The following DLGAP2 variants were observed in gnomAD, a reference collection of about 807,000 sequenced individuals.
DLGAP2 encodes DLG associated protein 2, also known as disks large-associated protein 2.
Under a neutral mutation model 100.3 loss-of-function variants are expected in DLGAP2, and 26 were observed. That is an observed-to-expected ratio of 0.26 (90% CI 0.19 to 0.36). DLGAP2 has a LOEUF of 0.36. Among genes scored for constraint, DLGAP2 ranks in the 10% least tolerant of loss-of-function variants. The probability of loss-of-function intolerance (pLI) is 1.00; values close to 1 mark genes in which losing one functional copy is unlikely to be tolerated. For missense variants in DLGAP2, 1,858 were observed against 1,453.2 expected (o/e 1.28, Z -4.53); for synonymous variants, 886 against 630.1 (o/e 1.41, Z -6.08).
intron 2 of DLGAP2, among the ~76,000 whole-genome samples, chr8:1,144,859 T>C (rs1046238901): frequency 5.3e-5 from 8 of 151,846 alleles, no homozygotes; most frequent in African/African-American, 1.9e-4. Flanking sequence ...GCAGACGGCC[T>C]GTATGAACAG....
Position 1,197,493 on chromosome 8 carries a change from G to A in DLGAP2, c.74-61358G>A, listed in dbSNP as rs1324789396. On this transcript the variant is annotated intron_variant, in intron 2 of 14. Coordinates refer to ENST00000637795, the MANE Select transcript of DLGAP2 (RefSeq NM_001346810.2). ...CACTGTTTATGTTCCATAAAGCTAAGCCACATGGATGCGGAGCAGCTGGGC... is the reference window on the plus strand; with the variant it reads ...CACTGTTTATGTTCCATAAAGCTAAACCACATGGATGCGGAGCAGCTGGGC... 2.0e-5 allele frequency among the ~76,000 whole-genome samples: 3 copies of A among 152,232 alleles called. No individual in the cohort carries two copies. The East Asian group carries it at 5.8e-4, about 29-fold the overall frequency.
At chr8:1,288,678 A>AGCGT (rs1347520454) in intron 3 of DLGAP2, among the ~76,000 whole-genome samples, 1,770 of 118,470 alleles carry the variant, frequency 0.015, 15 homozygotes, top group Middle Eastern at 0.056. Flanking sequence ...GTTTCGGTTC[A>AGCGT]GTGTGTGTGT....
rs371398046 is a variant in DLGAP2, at chr8:1,329,912, C to A, written c.106+71029C>A. Among the ~76,000 whole-genome samples the A allele has an allele frequency of 1.7e-3, 252 of 152,354 alleles. 3 individuals are homozygous for A. Among genetic ancestry groups the A allele is most frequent in the South Asian group, 0.012 (59 of 4,820 alleles). On this transcript the variant is annotated intron_variant, in intron 3 of 14. Transcript: ENST00000637795. ...GTGCACAACTCATTGCTGCAAGCTG[C>A]AGCCGCCCTGCCGTGCAGTAGAACC...
rs1390159298 is a variant in DLGAP2, at chr8:960,150, T to C, written c.73+52184T>C. ...TCCAAAGATGGCCCAGTTCCCCTCA[T>C]ATGGGTTCTTACATGCTGTTAGAAG... On this transcript the variant is annotated intron_variant, in intron 2 of 14. Coordinates refer to ENST00000637795, the MANE Select transcript of DLGAP2 (RefSeq NM_001346810.2). Among the ~76,000 whole-genome samples, 9 of 151,928 alleles carry C rather than the reference T, an allele frequency of 5.9e-5. No individual in the cohort carries two copies. In the South Asian group the frequency reaches 1.7e-3, roughly 28 times the overall value.
At chr8:1,363,317 C>T (rs1375642744) in intron 3 of DLGAP2, among the ~76,000 whole-genome samples, 11 of 152,170 alleles carry the variant, frequency 7.2e-5, no homozygotes, top group East Asian at 5.8e-4. Flanking sequence ...GCAGGTCCCA[C>T]GCCCGTGGCA....
At chr8:1,658,343 G>C (rs563834253) in intron 8 of DLGAP2, among the ~76,000 whole-genome samples, 204 of 152,260 alleles carry the variant, frequency 1.3e-3, no homozygotes, top group Non-Finnish European at 2.4e-3. Flanking sequence ...ATCTATGCCT[G>C]ACTTCTTAGG....
chr8:1,365,863 C>T (rs1204917974), intron 3 of DLGAP2, among the ~76,000 whole-genome samples: 1 of 152,254 alleles, frequency 6.6e-6, no homozygotes, highest in Non-Finnish European at 1.5e-5. Flanking sequence ...ACAGTGTCAC[C>T]TCTCTCTAAC....
rs373697861 is a variant in DLGAP2 at position 1,632,785 on chromosome 8, C to A, written c.1591-42C>A. ...GGCTTTTCTGTAACGTGATGGTGAC[C>A]CTGGAGGGCCGGGGCATCACGTGTG... On this transcript the variant is annotated intron_variant, in intron 7 of 14. Transcript: ENST00000637795. 13 of 1,548,476 alleles carry A rather than the reference C, an allele frequency of 8.4e-6. No individual in the cohort carries two copies. The African/African-American group carries it at 1.8e-4, about 21-fold the overall frequency.
chr8:795,870 G>C (rs74843552), intron 1 of DLGAP2, among the ~76,000 whole-genome samples: 1 of 128,564 alleles, frequency 7.8e-6, no homozygotes, highest in African/African-American at 2.9e-5. Flanking sequence ...GTGAGAGCAG[G>C]CGTCCAGTGA....
chr8:1,681,257 C>T (rs1798936686), intron 12 of DLGAP2, among the ~76,000 whole-genome samples: 1 of 152,064 alleles, frequency 6.6e-6, no homozygotes, highest in African/African-American at 2.4e-5. Context: ...CTTCTCCTGT[C>T]ATCATTTTCC....
chr8:1,177,785 C>T (rs1251510927), intron 2 of DLGAP2, among the ~76,000 whole-genome samples: 1 of 152,180 alleles, frequency 6.6e-6, no homozygotes. Flanking sequence ...CTGCTGTGCC[C>T]TCACAGGGTA....
chr8:1,676,474 A>C, intron 10 of DLGAP2, 59 bp from the exon 11 acceptor site: 2 of 1,525,978 alleles, frequency 1.3e-6, no homozygotes, highest in Admixed American at 3.8e-5. Flanking sequence ...ACAACAAAAT[A>C]GTCCCTTGCC....
intron 2 of DLGAP2, among the ~76,000 whole-genome samples, chr8:1,244,185 C>T (rs79018365): frequency 2.7e-4 from 41 of 152,332 alleles, no homozygotes; most frequent in African/African-American, 8.7e-4. Flanking sequence ...GAGTGCGATA[C>T]GGTTAGAGTG....
chr8:1,524,479 C>T (rs185637974), intron 4 of DLGAP2, among the ~76,000 whole-genome samples: 3 of 152,210 alleles, frequency 2.0e-5, no homozygotes, highest in African/African-American at 7.2e-5. Flanking sequence ...AAACAACGGA[C>T]GTTGATTCTC....
intron 3 of DLGAP2, among the ~76,000 whole-genome samples, chr8:1,475,480 C>T (rs1009748077): frequency 2.6e-5 from 4 of 152,130 alleles, no homozygotes; most frequent in African/African-American, 7.2e-5. Context: ...GAGAGCACTC[C>T]GCACCCCAGC....
At chr8:1,367,085 G>C (rs1802126563) in intron 3 of DLGAP2, among the ~76,000 whole-genome samples, 1 of 152,124 alleles carries the variant, frequency 6.6e-6, no homozygotes, top group African/African-American at 2.4e-5. Context: ...CATTTACGTA[G>C]CAACCTTTCC....
intron 2 of DLGAP2, among the ~76,000 whole-genome samples, chr8:1,161,808 TAGAC>T (rs71202695): frequency 0.03 from 4,641 of 152,198 alleles, 121 homozygotes; most frequent in South Asian, 0.06. Flanking sequence ...CTGCTGGGGA[TAGAC>T]AGAGGCCACA....
At chr8:1,163,869 C>G (rs1373779628) in intron 2 of DLGAP2, among the ~76,000 whole-genome samples, 1 of 152,196 alleles carries the variant, frequency 6.6e-6, no homozygotes, top group Admixed American at 6.5e-5. Context: ...CGGCTGCCGA[C>G]ACGTCCTTGC....
intron 2 of DLGAP2, among the ~76,000 whole-genome samples, chr8:1,129,848 C>T (rs988429836): frequency 3.9e-5 from 6 of 152,128 alleles, no homozygotes; most frequent in Non-Finnish European, 8.8e-5. Flanking sequence ...AGTCAGCAAC[C>T]GTGGGCCTTG....
Sources: gnomAD v4.1 joint callset for allele counts (sites outside exome capture counted in the v4.1 genomes callset) on GRCh38, gnomAD v4.1.1 for gene constraint, MANE v1.5 for transcripts, NCBI Gene and HGNC (gene_info 2026-07-23, HGNC 2026-07-21) for gene names.